The following CNTNAP2 variants were observed in gnomAD, a reference collection of about 807,000 sequenced individuals.
CNTNAP2 encodes the protein contactin-associated protein-like 2.
A neutral mutation model predicts 155.2 loss-of-function variants in CNTNAP2; 98 were observed. That is an observed-to-expected ratio of 0.63 (90% CI 0.54 to 0.75). CNTNAP2 has a LOEUF of 0.75. Ranked by LOEUF, CNTNAP2 falls within the 30% of genes least tolerant of loss-of-function variation. The pLI is 0.00. For missense variants in CNTNAP2, 1,727 were observed against 1,688.1 expected (o/e 1.02, Z -0.40); for synonymous variants, 651 against 631.2 (o/e 1.03, Z -0.47).
chr7:148,049,952 C>G (rs1278663001), intron 15 of CNTNAP2, among the ~76,000 whole-genome samples: 1 of 152,154 alleles, frequency 6.6e-6, no homozygotes, highest in African/African-American at 2.4e-5. Flanking sequence ...CACCTGAGGT[C>G]AGGAGGTTGA....
At position 146,703,360 on chromosome 7, in the gene CNTNAP2, GA is replaced by G. The variant is rs559160171; in HGVS notation, c.98-70908del. Among the ~76,000 whole-genome samples, 747 of 152,202 alleles carry G rather than the reference GA, an allele frequency of 4.9e-3. 7 individuals carry two copies. The highest frequency in any genetic ancestry group is 8.5e-3 in the Non-Finnish European group (576 of 67,998). On this transcript the variant is annotated intron_variant, in intron 1 of 23. Coordinates refer to ENST00000361727, the MANE Select transcript of CNTNAP2 (RefSeq NM_014141.6). ...TTGGTAATGTGTACGAAAAAATGCA[GA>G]AATCAAACTGTGGAAAATATTTTTA... is the stretch of plus-strand genomic sequence containing the variant.
rs552358238 is a variant in CNTNAP2, at chr7:146,655,431, A to G, written c.98-118840A>G. On this transcript the variant is annotated intron_variant, in intron 1 of 23. Transcript: ENST00000361727. ...TCTGTCTCAAAAAAAAAAAAAAAAA[A>G]AAAGAAAGAAAAATATATCTTTATT... is the stretch of plus-strand genomic sequence containing the variant. Among the ~76,000 whole-genome samples the G allele has an allele frequency of 2.8e-3, 419 of 151,098 alleles. 1 individual carries two copies. The highest frequency in any genetic ancestry group is 9.5e-3 in the African/African-American group (392 of 41,182).
At chr7:147,502,002 A>G (rs57962657) in intron 11 of CNTNAP2, among the ~76,000 whole-genome samples, 3,006 of 152,312 alleles carry the variant, frequency 0.02, 108 homozygotes, top group African/African-American at 0.069. Context: ...TTAGGCATAT[A>G]TTTAACCAAA....
At chr7:147,345,513 G>C (rs1795838948) in intron 9 of CNTNAP2, among the ~76,000 whole-genome samples, 3 of 152,108 alleles carry the variant, frequency 2.0e-5, no homozygotes, top group African/African-American at 7.2e-5. Flanking sequence ...TTGAACTTGT[G>C]AAGTGAATGT....
At chr7:147,178,353 C>T (rs200624091) in intron 8 of CNTNAP2, among the ~76,000 whole-genome samples, 3 of 152,258 alleles carry the variant, frequency 2.0e-5, no homozygotes, top group East Asian at 3.9e-4. Context: ...AGCTAAGGAA[C>T]GTGGACCCCA....
In CNTNAP2 at chr7:148,003,338, T is replaced by C. The variant is rs146048074; in HGVS notation, c.2383+25349T>C. Among the ~76,000 whole-genome samples the C allele has an allele frequency of 9.7e-3, 1,481 of 152,310 alleles. 87 individuals are homozygous for C. Among genetic ancestry groups the C allele is most frequent in the Admixed American group, 0.09 (1,372 of 15,294 alleles). ...ACTTCTCCCAGCCCCTAATACTTCC[T>C]GTTTGCTAATGCTTAAAATCTCTCT... is the stretch of plus-strand genomic sequence containing the variant. On this transcript the variant is annotated intron_variant, in intron 15 of 23. Transcript: ENST00000361727.
At chr7:148,386,730 A>G (rs73154588) in intron 22 of CNTNAP2, among the ~76,000 whole-genome samples, 2,731 of 152,264 alleles carry the variant, frequency 0.018, 33 homozygotes, top group Non-Finnish European at 0.027. Flanking sequence ...TGTCCTCTTA[A>G]GTTCAGTACC....
At chr7:148,246,441 A>C (rs971636785) in intron 20 of CNTNAP2, among the ~76,000 whole-genome samples, 5 of 152,204 alleles carry the variant, frequency 3.3e-5, no homozygotes, top group Admixed American at 3.3e-4. Context: ...TTGAAAGACC[A>C]TTAAAGAAAC....
chr7:148,164,761 C>T (rs1246556101), intron 17 of CNTNAP2, among the ~76,000 whole-genome samples: 2 of 151,762 alleles, frequency 1.3e-5, no homozygotes, highest in Non-Finnish European at 2.9e-5. Flanking sequence ...GCTGGGACTA[C>T]AGGCAGATGC....
intron 13 of CNTNAP2, among the ~76,000 whole-genome samples, chr7:147,663,208 G>C (rs1795643148): frequency 6.6e-6 from 1 of 152,128 alleles, no homozygotes; most frequent in Admixed American, 6.5e-5. Context: ...ATTTTGGCCA[G>C]GCTGGTCTCC....
At chr7:148,056,984 C>G (rs1207303968) in intron 15 of CNTNAP2, among the ~76,000 whole-genome samples, 1 of 152,116 alleles carries the variant, frequency 6.6e-6, no homozygotes, top group Non-Finnish European at 1.5e-5. Context: ...ACAAACAGAC[C>G]TGGGTTTGAA....
chr7:147,006,247 A>G (rs943694527), intron 3 of CNTNAP2, among the ~76,000 whole-genome samples: 2 of 152,048 alleles, frequency 1.3e-5, no homozygotes, highest in Admixed American at 6.6e-5. Context: ...GAAAGTGGCT[A>G]GGAGAAGTAT....
intron 10 of CNTNAP2, among the ~76,000 whole-genome samples, chr7:147,456,081 T>A (rs779760953): frequency 6.6e-6 from 1 of 152,178 alleles, no homozygotes; most frequent in Non-Finnish European, 1.5e-5. Flanking sequence ...ACTATATTTG[T>A]ATATATAGTT....
intron 13 of CNTNAP2, among the ~76,000 whole-genome samples, chr7:147,871,625 A>G (rs966792752): frequency 6.7e-6 from 1 of 149,410 alleles, no homozygotes; most frequent in African/African-American, 2.5e-5. Context: ...AGTGGGTACA[A>G]TTTCTTTATC....
At chr7:146,170,559 T>A in intron 1 of CNTNAP2, among the ~76,000 whole-genome samples, 1 of 152,144 alleles carries the variant, frequency 6.6e-6, no homozygotes. Flanking sequence ...CTAATATTTT[T>A]AAATATGGTT....
intron 3 of CNTNAP2, among the ~76,000 whole-genome samples, chr7:146,888,314 T>C (rs1795709725): frequency 6.6e-6 from 1 of 152,142 alleles, no homozygotes. Flanking sequence ...TCTATTTTTT[T>C]CTCTCCAGAA....
chr7:147,044,212 A>AT (rs1385335868), intron 4 of CNTNAP2, among the ~76,000 whole-genome samples, 158 bp downstream of exon 4: 1 of 151,924 alleles, frequency 6.6e-6, no homozygotes, highest in African/African-American at 2.4e-5. Flanking sequence ...ATATATATAT[A>AT]ATAAAAGGTT....
intron 8 of CNTNAP2, among the ~76,000 whole-genome samples, chr7:147,134,866 A>G (rs1801448226): frequency 1.3e-5 from 2 of 151,880 alleles, no homozygotes; most frequent in South Asian, 4.1e-4. Context: ...TCCTTTTGTC[A>G]AATATTTTGA....
At chr7:146,332,659 A>G (rs547263535) in intron 1 of CNTNAP2, among the ~76,000 whole-genome samples, 85 of 152,328 alleles carry the variant, frequency 5.6e-4, no homozygotes, top group Middle Eastern at 3.4e-3. Context: ...TCGTTAATAC[A>G]GGCTTCCATT....
Sources: allele counts gnomAD v4.1 joint callset (sites outside exome capture counted in the v4.1 genomes callset), GRCh38; gene constraint gnomAD v4.1.1; transcripts MANE v1.5; gene names NCBI Gene and HGNC (gene_info 2026-07-23, HGNC 2026-07-21).